PDE10A: variants seen among roughly 807,000 people sequenced by gnomAD.
PDE10A encodes the protein phosphodiesterase 10A, also known as cAMP and cAMP-inhibited cGMP 3',5'-cyclic phosphodiesterase 10A.
A neutral mutation model predicts 97.7 loss-of-function variants in PDE10A; 39 were observed. That is an observed-to-expected ratio of 0.40 (90% CI 0.31 to 0.52). The LOEUF (loss-of-function observed/expected upper bound fraction) is 0.52. PDE10A is among the 20% of genes least tolerant of loss of function. The pLI, the probability that PDE10A is intolerant of heterozygous loss-of-function variation, is 0.56. For synonymous variants in PDE10A, 371 were observed against 376.8 expected, an observed-to-expected ratio of 0.98 and a Z score of 0.18; for missense variants, 731 against 1,047.8, an observed-to-expected ratio of 0.70 and a Z score of 4.17.
At chr6:165,628,105 A>G (rs1027233542) in intron 1 of PDE10A, among the ~76,000 whole-genome samples, 3 of 152,242 alleles carry the variant, frequency 2.0e-5, no homozygotes, top group African/African-American at 7.2e-5. Context: ...AACTTAAACC[A>G]TGAGAAATTA....
intron 18 of PDE10A, among the ~76,000 whole-genome samples, chr6:165,364,728 T>C (rs1239149228): frequency 1.3e-5 from 2 of 152,142 alleles, no homozygotes; most frequent in African/African-American, 4.8e-5. Context: ...AAAATATTGA[T>C]CAACTATAAA....
chr6:165,352,678 G>C (rs2128187416), intron 18 of PDE10A, among the ~76,000 whole-genome samples: 1 of 149,520 alleles, frequency 6.7e-6, no homozygotes, highest in East Asian at 2.0e-4. Flanking sequence ...TCTAGACAGA[G>C]ACCTTAGAAC....
intron 1 of PDE10A, among the ~76,000 whole-genome samples, chr6:165,903,968 G>C (rs1224160097): frequency 1.3e-5 from 2 of 152,160 alleles, no homozygotes; most frequent in Non-Finnish European, 2.9e-5. Context: ...AGTTTCACTG[G>C]AGTGGAGAGA....
At chr6:165,485,577 T>A (rs934819735) in intron 2 of PDE10A, among the ~76,000 whole-genome samples, 1 of 151,254 alleles carries the variant, frequency 6.6e-6, no homozygotes, top group African/African-American at 2.4e-5. Context: ...ATCAAATGTG[T>A]CTACACTGAC....
intron 1 of PDE10A, among the ~76,000 whole-genome samples, chr6:165,816,455 G>A (rs990425395): frequency 6.6e-5 from 10 of 152,224 alleles, no homozygotes; most frequent in Non-Finnish European, 1.3e-4. Flanking sequence ...AGGCCACGGA[G>A]CAGTAGTTAG....
intron 2 of PDE10A, among the ~76,000 whole-genome samples, chr6:165,512,954 CTCTT>C (rs1781583571): frequency 6.6e-6 from 1 of 151,978 alleles, no homozygotes; most frequent in Non-Finnish European, 1.5e-5. Context: ...TTTATATATT[CTCTT>C]TGAGATCATT....
At chr6:165,419,045 G>A (rs918483761) in intron 10 of PDE10A, among the ~76,000 whole-genome samples, 1 of 152,174 alleles carries the variant, frequency 6.6e-6, no homozygotes, top group African/African-American at 2.4e-5. Flanking sequence ...CATATCAGTC[G>A]TGTATTCTGA....
At chr6:165,490,624 G>T (rs1780172263) in intron 2 of PDE10A, among the ~76,000 whole-genome samples, 1 of 152,084 alleles carries the variant, frequency 6.6e-6, no homozygotes, top group Non-Finnish European at 1.5e-5. Context: ...GAATGCAAAT[G>T]GCCTAAATGT....
chr6:165,717,132 G>A (rs1209320547), intron 1 of PDE10A, among the ~76,000 whole-genome samples: 1 of 152,156 alleles, frequency 6.6e-6, no homozygotes, highest in East Asian at 1.9e-4. Flanking sequence ...TTAGCACAAT[G>A]TTCTCAAGAT....
chr6:165,629,635 G>T (rs1034294628), intron 1 of PDE10A, among the ~76,000 whole-genome samples: 7 of 150,030 alleles, frequency 4.7e-5, no homozygotes, highest in African/African-American at 1.7e-4. Flanking sequence ...CCAGGCTCAA[G>T]CCATCTTCCC....
chr6:165,926,377 G>C (rs889012398), intron 1 of PDE10A, among the ~76,000 whole-genome samples: 5 of 152,168 alleles, frequency 3.3e-5, no homozygotes, highest in African/African-American at 1.2e-4. Context: ...GTCTCCTTTA[G>C]TGTTGAGAAA....
At chr6:165,608,739 G>A (rs1421279471) in intron 1 of PDE10A, among the ~76,000 whole-genome samples, 19 of 152,144 alleles carry the variant, frequency 1.2e-4, no homozygotes, top group Non-Finnish European at 5.9e-5. Flanking sequence ...CAGTGTAAAA[G>A]TGTTCCTATT....
chr6:165,647,720 C>G (rs1281715701), intron 1 of PDE10A, among the ~76,000 whole-genome samples: 2 of 152,202 alleles, frequency 1.3e-5, no homozygotes, highest in East Asian at 1.9e-4. Flanking sequence ...CTCTCAGCAG[C>G]CTTTCTCTTC....
At chr6:165,401,536 C>T (rs967794903) in intron 13 of PDE10A, among the ~76,000 whole-genome samples, 2 of 152,232 alleles carry the variant, frequency 1.3e-5, no homozygotes, top group African/African-American at 4.8e-5. Flanking sequence ...AAGCATTTTG[C>T]TGCAAACGGC....
intron 2 of PDE10A, among the ~76,000 whole-genome samples, chr6:165,504,176 G>A (rs1284776913): frequency 6.6e-6 from 1 of 152,018 alleles, no homozygotes; most frequent in Non-Finnish European, 1.5e-5. Context: ...AGCCTAAGGA[G>A]GAAGAATTTT....
In PDE10A at chr6:165,434,693, T is replaced by G. The variant is rs554196106; in HGVS notation, c.1335+544A>C. Among the ~76,000 whole-genome samples the G allele has an allele frequency of 3.9e-5, 6 of 152,264 alleles. No homozygotes were observed. The East Asian group carries it at 7.7e-4, about 20-fold the overall frequency. On this transcript the variant is annotated intron_variant, in intron 6 of 21. Coordinates refer to ENST00000539869, the MANE Select transcript of PDE10A (RefSeq NM_001385079.1). ...GTTACCTCACAAAAACACACCAGGATAGCCTTACTGGAAGCGGGTGAGAGA... is the reference window on the plus strand; with the variant it reads ...GTTACCTCACAAAAACACACCAGGAGAGCCTTACTGGAAGCGGGTGAGAGA...
At chr6:165,540,667 C>T (rs886262491) in intron 2 of PDE10A, among the ~76,000 whole-genome samples, 3 of 152,120 alleles carry the variant, frequency 2.0e-5, no homozygotes, top group African/African-American at 7.2e-5. Context: ...GGTTGCTCTG[C>T]TGCCCAGGCT....
chr6:165,714,293 T>G (rs1258121359), intron 1 of PDE10A, among the ~76,000 whole-genome samples: 1 of 152,196 alleles, frequency 6.6e-6, no homozygotes, highest in Non-Finnish European at 1.5e-5. Flanking sequence ...TGGCGTGCCG[T>G]AGCCACTCCT....
intron 2 of PDE10A, among the ~76,000 whole-genome samples, chr6:165,492,135 T>C (rs908387649): frequency 2.7e-4 from 41 of 152,028 alleles, no homozygotes; most frequent in Non-Finnish European, 1.2e-4. Context: ...CCTGGAAACA[T>C]ACAACCCTCT....
Sources: allele counts gnomAD v4.1 joint callset (sites outside exome capture counted in the v4.1 genomes callset), GRCh38; gene constraint gnomAD v4.1.1; transcripts MANE v1.5; gene names NCBI Gene and HGNC (gene_info 2026-07-23, HGNC 2026-07-21).